PDE4D: variants seen among roughly 807,000 people sequenced by gnomAD.
The protein encoded by PDE4D is phosphodiesterase 4D, also known as 3',5'-cyclic-AMP phosphodiesterase 4D.
In PDE4D, 24 loss-of-function variants were observed where a neutral mutation model predicts 87.4. The ratio of observed to expected loss-of-function variants is 0.27; its 90% confidence interval spans 0.20 to 0.39. PDE4D has a LOEUF of 0.39. Among genes scored for constraint, PDE4D ranks in the 10% least tolerant of loss-of-function variants. The pLI is 1.00. For synonymous variants in PDE4D, 384 were observed against 383.2 expected, an observed-to-expected ratio of 1.00 and a Z score of -0.02; for missense variants, 714 against 1,041.0, an observed-to-expected ratio of 0.69 and a Z score of 4.32.
chr5:59,863,835 T>G (rs912479317), intron 1 of PDE4D, among the ~76,000 whole-genome samples: 2 of 152,180 alleles, frequency 1.3e-5, no homozygotes, highest in Non-Finnish European at 2.9e-5. Context: ...GGAGCCCTTT[T>G]GCCAGTCCTG....
chr5:59,768,688 C>T, intron 1 of PDE4D: 2 of 1,444,582 alleles, frequency 1.4e-6, no homozygotes, highest in Non-Finnish European at 1.8e-6. Flanking sequence ...GCGCACTCCT[C>T]CGCGGAAGCG....
At chr5:60,206,573 G>C (rs1023048694) in intron 1 of PDE4D, among the ~76,000 whole-genome samples, 4 of 152,160 alleles carry the variant, frequency 2.6e-5, no homozygotes, top group Non-Finnish European at 5.9e-5. Flanking sequence ...TGGAAGTTTG[G>C]TGTTCAAATT....
chr5:59,716,408 G>C (rs1231831648), intron 1 of PDE4D, among the ~76,000 whole-genome samples: 2 of 152,102 alleles, frequency 1.3e-5, no homozygotes, highest in Non-Finnish European at 2.9e-5. Context: ...ACTCCCCTTG[G>C]ACCTCAGTTA....
chr5:59,498,329 T>G (rs367796195), intron 1 of PDE4D, among the ~76,000 whole-genome samples: 1 of 151,048 alleles, frequency 6.6e-6, no homozygotes, highest in Admixed American at 6.6e-5. Context: ...CATATCAATA[T>G]TAACTTTTGC....
At chr5:59,845,781 T>C (rs574892077) in intron 1 of PDE4D, among the ~76,000 whole-genome samples, 6 of 152,240 alleles carry the variant, frequency 3.9e-5, no homozygotes, top group African/African-American at 1.2e-4. Context: ...TCAGTTTTTA[T>C]GTAAAAATCA....
intron 1 of PDE4D, among the ~76,000 whole-genome samples, chr5:60,421,250 C>T (rs113608680): frequency 0.14 from 21,299 of 152,208 alleles, 1,582 homozygotes; most frequent in African/African-American, 0.17. Flanking sequence ...TCCCTGACCC[C>T]CACATAGCTT....
chr5:59,792,359 G>A (rs979201123), intron 1 of PDE4D, among the ~76,000 whole-genome samples: 2 of 150,116 alleles, frequency 1.3e-5, no homozygotes, highest in African/African-American at 5.0e-5. Context: ...TTCAAATTCC[G>A]GGCACTTAAA....
intron 1 of PDE4D, among the ~76,000 whole-genome samples, chr5:60,187,185 C>T (rs1408775011): frequency 6.6e-6 from 1 of 152,136 alleles, no homozygotes; most frequent in African/African-American, 2.4e-5. Flanking sequence ...AATACTGTTT[C>T]TCTGAGTGTG....
intron 2 of PDE4D, among the ~76,000 whole-genome samples, chr5:60,081,577 T>C (rs1773959702): frequency 1.3e-5 from 2 of 152,168 alleles, no homozygotes; most frequent in Admixed American, 1.3e-4. Flanking sequence ...TCCCAGAGAT[T>C]CTGGTATGTT....
chr5:59,039,077 C>T (rs547276597), intron 5 of PDE4D, 106 bp from the exon 6 acceptor site: 12 of 1,486,820 alleles, frequency 8.1e-6, no homozygotes, highest in African/African-American at 1.4e-5. Flanking sequence ...CTCGGATGCC[C>T]GGTGCCGGCA....
chr5:59,560,172 G>A (rs1336205659), intron 1 of PDE4D, among the ~76,000 whole-genome samples: 2 of 152,166 alleles, frequency 1.3e-5, no homozygotes, highest in Non-Finnish European at 1.5e-5. Context: ...TGTGGCTTAC[G>A]AGTGACACCA....
chr5:59,238,760 C>T (rs1757028385), intron 1 of PDE4D, among the ~76,000 whole-genome samples: 1 of 152,140 alleles, frequency 6.6e-6, no homozygotes, highest in South Asian at 2.1e-4. Flanking sequence ...AATAACAAAA[C>T]CTACACTACC....
chr5:59,017,104 A>T (rs1277995142), intron 6 of PDE4D, among the ~76,000 whole-genome samples: 1 of 152,172 alleles, frequency 6.6e-6, no homozygotes, highest in Admixed American at 6.5e-5. Context: ...AGCCAGTCTG[A>T]GGGAGGACAG....
chr5:59,506,089 C>T (rs1460531089), intron 1 of PDE4D, among the ~76,000 whole-genome samples: 5 of 151,978 alleles, frequency 3.3e-5, no homozygotes, highest in African/African-American at 9.7e-5. Flanking sequence ...TTGTTGACTT[C>T]AACATGCTTA....
At chr5:59,833,106 G>A (rs1197651883) in intron 1 of PDE4D, among the ~76,000 whole-genome samples, 1 of 152,110 alleles carries the variant, frequency 6.6e-6, no homozygotes, top group East Asian at 1.9e-4. Flanking sequence ...GATTTTGGAA[G>A]CAGACCGGTG....
intron 6 of PDE4D, among the ~76,000 whole-genome samples, chr5:59,010,444 T>C (rs1752552236): frequency 6.6e-6 from 1 of 152,168 alleles, no homozygotes; most frequent in African/African-American, 2.4e-5. Flanking sequence ...AAGTAAAATA[T>C]TGTCCTTTTT....
intron 1 of PDE4D, among the ~76,000 whole-genome samples, chr5:59,551,945 G>A (rs1818195110): frequency 6.6e-6 from 1 of 152,182 alleles, no homozygotes; most frequent in Admixed American, 6.6e-5. Context: ...GCCGGGCACA[G>A]TGGTTCACAC....
chr5:60,328,885 T>C (rs1757045304), intron 1 of PDE4D, among the ~76,000 whole-genome samples: 1 of 152,228 alleles, frequency 6.6e-6, no homozygotes, highest in Non-Finnish European at 1.5e-5. Flanking sequence ...ATGTGAAAGT[T>C]GCTGTCTTTC....
intron 1 of PDE4D, among the ~76,000 whole-genome samples, chr5:60,368,536 T>C (rs1272147383): frequency 6.6e-6 from 1 of 152,158 alleles, no homozygotes; most frequent in African/African-American, 2.4e-5. Flanking sequence ...TTTCCTTTGC[T>C]CTAGCATTCA....
Sources: allele counts gnomAD v4.1 joint callset (sites outside exome capture counted in the v4.1 genomes callset), GRCh38; gene constraint gnomAD v4.1.1; transcripts MANE v1.5; gene names NCBI Gene and HGNC (gene_info 2026-07-23, HGNC 2026-07-21).